PRKN: variants seen among roughly 807,000 people sequenced by gnomAD.
PRKN encodes the protein E3 ubiquitin-protein ligase parkin.
Under a neutral mutation model 59.5 loss-of-function variants are expected in PRKN, and 56 were observed. That is an observed-to-expected ratio of 0.94 (90% confidence interval 0.76 to 1.18). The LOEUF (loss-of-function observed/expected upper bound fraction) is 1.18, where lower values mean the gene tolerates loss of function less well. PRKN is among the 50% of genes most tolerant of loss of function. PRKN has a pLI of 0.00. For missense variants in PRKN, 657 were observed against 596.4 expected (o/e 1.10, Z -1.06); for synonymous variants, 250 against 222.1 (o/e 1.13, Z -1.12).
At chr6:161,956,931 T>A (rs1583403092) in intron 6 of PRKN, among the ~76,000 whole-genome samples, 1 of 152,220 alleles carries the variant, frequency 6.6e-6, no homozygotes, top group Non-Finnish European at 1.5e-5. Flanking sequence ...CTTAGTGTTG[T>A]CACCGGCATT....
At chr6:161,657,387 C>T (rs1784387788) in intron 7 of PRKN, among the ~76,000 whole-genome samples, 2 of 152,168 alleles carry the variant, frequency 1.3e-5, no homozygotes, top group South Asian at 2.1e-4. Context: ...TTTCAAATCT[C>T]CTCAGTGGCT....
intron 4 of PRKN, among the ~76,000 whole-genome samples, chr6:162,066,578 G>A (rs1778348723): frequency 6.6e-6 from 1 of 152,122 alleles, no homozygotes; most frequent in East Asian, 1.9e-4. Flanking sequence ...TTGCAGGAGT[G>A]GGTTCTCTTT....
intron 4 of PRKN, among the ~76,000 whole-genome samples, chr6:162,199,687 T>C (rs1784639496): frequency 6.6e-6 from 1 of 152,186 alleles, no homozygotes; most frequent in Admixed American, 6.5e-5. Context: ...AAGAGCCCCG[T>C]GGGCATCATT....
intron 2 of PRKN, among the ~76,000 whole-genome samples, chr6:162,320,382 AAAC>A (rs1346137188): frequency 1.1e-3 from 132 of 114,982 alleles, no homozygotes; most frequent in Non-Finnish European, 2.1e-3. Flanking sequence ...AAAAAAAAAA[AAAC>A]CAAGCATTTT....
intron 1 of PRKN, among the ~76,000 whole-genome samples, chr6:162,601,559 T>C (rs1054116955): frequency 2.0e-5 from 3 of 152,142 alleles, no homozygotes; most frequent in African/African-American, 4.8e-5. Flanking sequence ...AGAGGGGCCA[T>C]GTTTCCCTTT....
In PRKN at chr6:162,696,455, A is replaced by G. The variant is rs542439695; in HGVS notation, c.7+31207T>C. On this transcript the variant is annotated intron_variant, in intron 1 of 11. Transcript: ENST00000366898. ...ACTTGGCTTCAAGGACTAGAGACAG[A>G]AAGTCTACTGGAAAAGCATGTATTT... Among the ~76,000 whole-genome samples, 7 of 152,204 alleles carry G rather than the reference A, an allele frequency of 4.6e-5. No individual in the cohort carries two copies. The East Asian group carries it at 1.2e-3, about 25-fold the overall frequency.
At chr6:161,957,483 G>A (rs1422433350) in intron 6 of PRKN, among the ~76,000 whole-genome samples, 3 of 148,750 alleles carry the variant, frequency 2.0e-5, no homozygotes, top group Non-Finnish European at 3.0e-5. Context: ...GAAGTGCAGT[G>A]GCACAATGTT....
At position 161,454,202 on chromosome 6, in the gene PRKN, G is replaced by A. The variant is rs373497193; in HGVS notation, c.1084-67325C>T. 3.9e-5 allele frequency among the ~76,000 whole-genome samples: 6 copies of A among 152,134 alleles called. No individual in the cohort carries two copies. The highest frequency in any genetic ancestry group is 7.2e-5 in the African/African-American group (3 of 41,424). On this transcript the variant is annotated intron_variant, in intron 9 of 11. Coordinates refer to ENST00000366898, the MANE Select transcript of PRKN (RefSeq NM_004562.3). This position sits in a 1 kb window ranked among gnomAD's most constrained non-coding sequence, Gnocchi z 4.6. The stretch of plus-strand genomic sequence containing the variant: ...GCGATGTCCCCTTGGGTCACAGAAC[G>A]GCAGCATGGGTTCTATAGGTCGGGG...
intron 2 of PRKN, among the ~76,000 whole-genome samples, chr6:162,381,063 C>T (rs1786459407): frequency 6.6e-6 from 1 of 152,086 alleles, no homozygotes. Context: ...TCTGGATAAG[C>T]CCACTGTGTC....
At chr6:162,303,151 A>G (rs1021465837) in intron 2 of PRKN, among the ~76,000 whole-genome samples, 5 of 152,212 alleles carry the variant, frequency 3.3e-5, no homozygotes, top group African/African-American at 1.2e-4. Flanking sequence ...CAATATTTTA[A>G]TGGCAATAGT....
intron 5 of PRKN, among the ~76,000 whole-genome samples, chr6:161,984,865 C>T (rs575219091): frequency 2.6e-4 from 39 of 152,300 alleles, no homozygotes; most frequent in Non-Finnish European, 4.0e-4. Flanking sequence ...TGCACAGCCT[C>T]CCTGAGAGTG....
At chr6:162,381,736 T>C (rs1452335253) in intron 2 of PRKN, among the ~76,000 whole-genome samples, 2 of 152,228 alleles carry the variant, frequency 1.3e-5, no homozygotes, top group African/African-American at 4.8e-5. Flanking sequence ...TTCTGATTTT[T>C]TTTTATTAGT....
At chr6:162,268,639 T>G (rs578106060) in intron 2 of PRKN, among the ~76,000 whole-genome samples, 1 of 152,302 alleles carries the variant, frequency 6.6e-6, no homozygotes, top group East Asian at 1.9e-4. Flanking sequence ...TTGATTCCAC[T>G]TTATAGAAGA....
chr6:162,702,207 T>G (rs1380430541), intron 1 of PRKN, among the ~76,000 whole-genome samples: 1 of 152,160 alleles, frequency 6.6e-6, no homozygotes, highest in African/African-American at 2.4e-5. Flanking sequence ...TATTGCAAAC[T>G]TGGCAGGATG....
rs150217648 is a variant in PRKN at position 161,777,695 on chromosome 6, C to T, written c.871+8077G>A. Among the ~76,000 whole-genome samples the T allele has an allele frequency of 2.9e-3, 405 of 137,800 alleles. 5 individuals are homozygous for T. The East Asian group carries it at 0.033, about 11-fold the overall frequency. 90.4% of individuals were successfully genotyped at this position (137,800 alleles called of 152,430 possible). On this transcript the variant is annotated intron_variant, in intron 7 of 11. Coordinates refer to ENST00000366898, the MANE Select transcript of PRKN (RefSeq NM_004562.3). ...AGAATATATATATAATATATATATACACAATATATAAGAGATATTTTATAT... is the reference window on the plus strand; with the variant it reads ...AGAATATATATATAATATATATATATACAATATATAAGAGATATTTTATAT...
At position 162,463,155 on chromosome 6, in the gene PRKN, T is replaced by C. The variant is rs376658569; in HGVS notation, c.8-19682A>G. On this transcript the variant is annotated intron_variant, in intron 1 of 11. Transcript: ENST00000366898. Reference sequence around the variant, plus strand: ...ACTTGCTTTGATACAAAGGGTCTGCTTGAGTTTGTATTAAATCATTTAACT... The same window carrying C: ...ACTTGCTTTGATACAAAGGGTCTGCCTGAGTTTGTATTAAATCATTTAACT... 2.6e-5 allele frequency among the ~76,000 whole-genome samples: 4 copies of C among 152,176 alleles called. No individual in the cohort carries two copies. The South Asian group carries it at 6.2e-4, about 24-fold the overall frequency.
chr6:162,625,934 T>G (rs1474315204), intron 1 of PRKN, among the ~76,000 whole-genome samples: 1 of 152,100 alleles, frequency 6.6e-6, no homozygotes, highest in Non-Finnish European at 1.5e-5. Flanking sequence ...TCAGTCTGCT[T>G]TCTTTAACAG....
intron 2 of PRKN, among the ~76,000 whole-genome samples, chr6:162,426,360 C>T (rs1287296560): frequency 1.3e-5 from 2 of 152,110 alleles, no homozygotes; most frequent in East Asian, 3.8e-4. Context: ...ACAGGTGATC[C>T]CTGTGAAGAA....
chr6:162,040,242 G>T (rs1784012999), intron 5 of PRKN, among the ~76,000 whole-genome samples: 1 of 152,130 alleles, frequency 6.6e-6, no homozygotes, highest in Non-Finnish European at 1.5e-5. Context: ...TTACAATGTT[G>T]TTTGGGGGCT....
Sources: allele counts gnomAD v4.1 joint callset (sites outside exome capture counted in the v4.1 genomes callset), GRCh38; gene constraint gnomAD v4.1.1; non-coding constraint Gnocchi (gnomAD v3.1); transcripts MANE v1.5; gene names NCBI Gene and HGNC (gene_info 2026-07-23, HGNC 2026-07-21).